The following DLG1 variants were observed in gnomAD, a reference collection of about 807,000 sequenced individuals.
DLG1 encodes the protein discs large MAGUK scaffold protein 1, also known as disks large homolog 1.
A neutral mutation model predicts 123.4 loss-of-function variants in DLG1; 42 were observed. That is an observed-to-expected ratio of 0.34 (90% CI 0.27 to 0.44). The LOEUF is 0.44. Ranked by LOEUF, DLG1 falls within the 20% of genes least tolerant of loss-of-function variation. DLG1 has a pLI of 1.00. For synonymous variants in DLG1, 317 were observed against 356.2 expected (o/e 0.89, Z 1.24); for missense variants, 942 against 1,082.6 (o/e 0.87, Z 1.82).
intron 5 of DLG1, among the ~76,000 whole-genome samples, chr3:197,179,681 A>G (rs1809073699): frequency 6.6e-6 from 1 of 152,208 alleles, no homozygotes; most frequent in Non-Finnish European, 1.5e-5. Context: ...TACTTTATTA[A>G]TATATACATT....
intron 4 of DLG1, among the ~76,000 whole-genome samples, chr3:197,263,918 G>C (rs554960271): frequency 2.6e-5 from 4 of 152,116 alleles, no homozygotes; most frequent in Admixed American, 2.0e-4. Context: ...TTAAACTATA[G>C]GTGATTACAA....
intron 4 of DLG1, among the ~76,000 whole-genome samples, chr3:197,258,352 C>T (rs1757758049): frequency 7.1e-6 from 1 of 140,578 alleles, no homozygotes; most frequent in Admixed American, 7.9e-5. Context: ...ATGGTTTAGT[C>T]ATCACATCTC....
intron 4 of DLG1, among the ~76,000 whole-genome samples, chr3:197,212,477 T>G (rs1300530769): frequency 6.6e-6 from 1 of 152,236 alleles, no homozygotes; most frequent in African/African-American, 2.4e-5. Flanking sequence ...GCAGAGTTAG[T>G]TTCTTCTAAG....
intron 3 of DLG1, among the ~76,000 whole-genome samples, chr3:197,293,320 T>G (rs1258694134): frequency 1.3e-5 from 2 of 152,220 alleles, no homozygotes; most frequent in African/African-American, 4.8e-5. Context: ...GTAAAAACTT[T>G]TCTGCTTTCA....
chr3:197,208,547 T>C (rs1027205850), intron 4 of DLG1, among the ~76,000 whole-genome samples: 1 of 146,560 alleles, frequency 6.8e-6, no homozygotes, highest in Non-Finnish European at 1.5e-5. Context: ...AAATCATTCT[T>C]ATTCAAATAA....
chr3:197,109,342 G>T (rs554139556), intron 13 of DLG1, among the ~76,000 whole-genome samples: 1 of 152,304 alleles, frequency 6.6e-6, no homozygotes, highest in Admixed American at 6.5e-5. Context: ...CTCCAGCCTG[G>T]GGGACAGAGT....
chr3:197,192,226 A>G (rs1323478372), intron 5 of DLG1, among the ~76,000 whole-genome samples: 1 of 152,178 alleles, frequency 6.6e-6, no homozygotes, highest in Non-Finnish European at 1.5e-5. Flanking sequence ...AATGTTTAAG[A>G]ATTAAACACG....
intron 5 of DLG1, among the ~76,000 whole-genome samples, chr3:197,164,173 C>T (rs1342998692): frequency 4.0e-5 from 6 of 151,586 alleles, no homozygotes; most frequent in African/African-American, 7.3e-5. Flanking sequence ...GGGTGGATCG[C>T]GAGGTCAAGA....
At chr3:197,293,495 TTGAAA>T (rs1775912019) in intron 3 of DLG1, among the ~76,000 whole-genome samples, 1 of 152,122 alleles carries the variant, frequency 6.6e-6, no homozygotes. Context: ...ATACCAGATA[TTGAAA>T]TATTTAACAG....
intron 4 of DLG1, among the ~76,000 whole-genome samples, chr3:197,215,894 T>G (rs964730254): frequency 6.6e-6 from 1 of 152,176 alleles, no homozygotes; most frequent in African/African-American, 2.4e-5. Context: ...TAATATTATG[T>G]AGCAATTCTT....
intron 5 of DLG1, among the ~76,000 whole-genome samples, chr3:197,152,186 A>G (rs946400121): frequency 2.0e-5 from 3 of 152,170 alleles, no homozygotes; most frequent in Non-Finnish European, 2.9e-5. Context: ...ATGAATTTTA[A>G]TAATAACTGT....
At chr3:197,270,575 A>G (rs78258338) in intron 4 of DLG1, among the ~76,000 whole-genome samples, 2,249 of 152,352 alleles carry the variant, frequency 0.015, 21 homozygotes, top group Non-Finnish European at 0.024. Flanking sequence ...AGGGAGAAAA[A>G]TAACATTTTG....
chr3:197,238,285 TA>T (rs1209837626), intron 4 of DLG1, among the ~76,000 whole-genome samples: 7 of 151,994 alleles, frequency 4.6e-5, no homozygotes. Context: ...AAACTGAATA[TA>T]AAAAGACAAT....
intron 22 of DLG1, among the ~76,000 whole-genome samples, chr3:197,062,109 G>C (rs1447312269): frequency 6.6e-6 from 1 of 151,972 alleles, no homozygotes; most frequent in Non-Finnish European, 1.5e-5. Flanking sequence ...CTTATGATGG[G>C]AGTTACGTCC....
chr3:197,235,166 G>T (rs560031323), intron 4 of DLG1, among the ~76,000 whole-genome samples: 1 of 152,260 alleles, frequency 6.6e-6, no homozygotes, highest in East Asian at 1.9e-4. Context: ...CTGGCTTCCT[G>T]CCTGGAGGCC....
At chr3:197,297,963 G>A (rs1016367472) in intron 1 of DLG1, 10 of 977,694 alleles carry the variant, frequency 1.0e-5, no homozygotes, top group African/African-American at 1.8e-5. Context: ...CTGGGCCGCC[G>A]CACCCCCGCG....
chr3:197,055,048 C>T (rs552096116), intron 23 of DLG1, among the ~76,000 whole-genome samples: 5 of 152,182 alleles, frequency 3.3e-5, no homozygotes, highest in Non-Finnish European at 7.3e-5. Context: ...CTACCGAACT[C>T]AGGTGTTCTG....
chr3:197,285,417 C>T (rs1771376153), intron 3 of DLG1, among the ~76,000 whole-genome samples: 1 of 151,800 alleles, frequency 6.6e-6, no homozygotes, highest in African/African-American at 2.4e-5. Flanking sequence ...ATACCGGTGA[C>T]ATTTCTAATC....
intron 17 of DLG1, chr3:197,080,712 T>G (rs921963646): frequency 1.8e-5 from 3 of 168,386 alleles, no homozygotes; most frequent in African/African-American, 7.2e-5. Flanking sequence ...TCTGCCTGAC[T>G]TGGCCTCCCA....
Sources: gnomAD v4.1 joint callset for allele counts (sites outside exome capture counted in the v4.1 genomes callset) on GRCh38, gnomAD v4.1.1 for gene constraint, MANE v1.5 for transcripts, NCBI Gene and HGNC (gene_info 2026-07-23, HGNC 2026-07-21) for gene names.